Variants in RB1 observed in about 807,000 individuals in gnomAD.
The protein encoded by RB1 is RB transcriptional corepressor 1.
A neutral mutation model predicts 135.4 loss-of-function variants in RB1; 18 were observed. The observed-to-expected ratio is 0.13, with a 90% CI of 0.09 to 0.20. The LOEUF (loss-of-function observed/expected upper bound fraction) is 0.20, where lower values mean the gene tolerates loss of function less well. Among genes scored for constraint, RB1 ranks in the 10% least tolerant of loss-of-function variants. The pLI is 1.00. For synonymous variants in RB1, 365 were observed against 373.2 expected, an observed-to-expected ratio of 0.98 and a Z score of 0.25; for missense variants, 868 against 1,110.0, an observed-to-expected ratio of 0.78 and a Z score of 3.10.
intron 2 of RB1, chr13:48,318,460 C>G: frequency 7.3e-7 from 1 of 1,378,566 alleles, no homozygotes; most frequent in Non-Finnish European, 1.0e-6. Flanking sequence ...CTCTCCTTCT[C>G]GTCCAGGTGC....
chr13:48,314,210 T>A (rs770249800), intron 2 of RB1, among the ~76,000 whole-genome samples: 3 of 152,214 alleles, frequency 2.0e-5, no homozygotes, highest in Non-Finnish European at 2.9e-5. Flanking sequence ...ATTTTTAGGA[T>A]CAATTTGTCA....
intron 6 of RB1, among the ~76,000 whole-genome samples, chr13:48,353,624 G>A (rs1024573183): frequency 6.6e-6 from 1 of 151,930 alleles, no homozygotes; most frequent in African/African-American, 2.4e-5. Context: ...ACCAAAACCA[G>A]ATAAAGACCC....
At chr13:48,420,634 A>C (rs987288994) in intron 17 of RB1, among the ~76,000 whole-genome samples, 1 of 152,182 alleles carries the variant, frequency 6.6e-6, no homozygotes, top group African/African-American at 2.4e-5. Context: ...CTATTTAGAA[A>C]ACCCCATTAT....
chr13:48,317,925 T>G, intron 2 of RB1: 1 of 420,176 alleles, frequency 2.4e-6, no homozygotes, highest in Non-Finnish European at 4.5e-6. Context: ...CCTGAACTTC[T>G]GAACTGCTCA....
intron 2 of RB1, among the ~76,000 whole-genome samples, chr13:48,321,053 C>T (rs1245493351): frequency 6.6e-6 from 1 of 152,082 alleles, no homozygotes; most frequent in Admixed American, 6.5e-5. Context: ...AAGGATAAGG[C>T]CTTTATCACT....
At chr13:48,451,738 ATTT>A (rs59115458) in intron 17 of RB1, among the ~76,000 whole-genome samples, 21 of 140,128 alleles carry the variant, frequency 1.5e-4, no homozygotes, top group South Asian at 4.5e-4. Flanking sequence ...TGATCCTGGG[ATTT>A]TTTTTTTTTT....
chr13:48,448,144 G>A (rs1271328567), intron 17 of RB1, among the ~76,000 whole-genome samples: 1 of 152,120 alleles, frequency 6.6e-6, no homozygotes, highest in African/African-American at 2.4e-5. Flanking sequence ...CCATGGCTAG[G>A]AAGTATAAAA....
intron 2 of RB1, among the ~76,000 whole-genome samples, chr13:48,322,023 T>C (rs994045966): frequency 6.6e-6 from 1 of 152,258 alleles, no homozygotes; most frequent in Non-Finnish European, 1.5e-5. Flanking sequence ...CTCTTTTCTC[T>C]GTTGATTATT....
chr13:48,370,866 G>A (rs539424209), intron 11 of RB1, among the ~76,000 whole-genome samples: 112 of 152,264 alleles, frequency 7.4e-4, no homozygotes, highest in Non-Finnish European at 1.5e-3. Context: ...ACTCTGCCTC[G>A]GGCTTTCTAG....
chr13:48,459,891 T>C lies in RB1; in HGVS notation c.2106+58T>C, dbSNP rs1949386757. 5 of 431,466 alleles carry C rather than the reference T, an allele frequency of 1.2e-5. 1 individual carries two copies. Among genetic ancestry groups the C allele is most frequent in the South Asian group, 9.4e-5 (4 of 42,414 alleles). 26.7% of individuals were successfully genotyped at this position (431,466 alleles called of 1,614,324 possible). ...CCCTACTTACTTGTTAACTGATTCT[T>C]TCTTTCTTTCTTTCTTTCTTTCTTT... is the stretch of plus-strand genomic sequence containing the variant. On this transcript the variant is annotated intron_variant, in intron 20 of 26. Transcript: ENST00000267163.
intron 17 of RB1, chr13:48,444,537 A>G (rs1216816780): frequency 6.6e-6 from 1 of 152,504 alleles, no homozygotes; most frequent in Non-Finnish European, 1.5e-5. Context: ...GAAAAAATCA[A>G]AGGAAACACA....
intron 17 of RB1, among the ~76,000 whole-genome samples, chr13:48,397,801 G>A (rs1043959970): frequency 6.6e-6 from 1 of 152,008 alleles, no homozygotes; most frequent in Non-Finnish European, 1.5e-5. Context: ...AGCTTTTTTG[G>A]TATTCTTTTG....
chr13:48,324,300 CA>C (rs1378283362), intron 2 of RB1, among the ~76,000 whole-genome samples: 1 of 152,044 alleles, frequency 6.6e-6, no homozygotes, highest in Non-Finnish European at 1.5e-5. Context: ...TTCCATAGAA[CA>C]CTAGATCTTG....
chr13:48,362,375 A>G (rs1952651689), intron 7 of RB1, among the ~76,000 whole-genome samples: 1 of 151,952 alleles, frequency 6.6e-6, no homozygotes, highest in Non-Finnish European at 1.5e-5. Context: ...TATATTTTAT[A>G]CCTATCTTTT....
chr13:48,473,246 AGG>A, intron 23 of RB1, 112 bp from the exon 24 acceptor site: 1 of 806,452 alleles, frequency 1.2e-6, no homozygotes, highest in Middle Eastern at 3.7e-4. Context: ...TCTAGGGTAG[AGG>A]TAACCTTTAA....
At chr13:48,343,336 C>T (rs574422758) in intron 3 of RB1, among the ~76,000 whole-genome samples, 1 of 152,150 alleles carries the variant, frequency 6.6e-6, no homozygotes, top group South Asian at 2.1e-4. Flanking sequence ...AAAAATGCAA[C>T]AGTATGTATT....
intron 17 of RB1, among the ~76,000 whole-genome samples, chr13:48,449,311 A>G (rs1372496448): frequency 1.3e-5 from 2 of 152,188 alleles, no homozygotes; most frequent in Non-Finnish European, 2.9e-5. Context: ...TTCATTGTAT[A>G]GTTATTTGGT....
intron 17 of RB1, among the ~76,000 whole-genome samples, chr13:48,428,824 G>A (rs572604209): frequency 6.6e-6 from 1 of 152,150 alleles, no homozygotes. Context: ...TAGAACAAGG[G>A]TTTTCTGTGA....
chr13:48,453,219 A>C, intron 18 of RB1, 108 bp downstream of exon 18: 1 of 1,137,682 alleles, frequency 8.8e-7, no homozygotes, highest in East Asian at 2.4e-5. Flanking sequence ...ATTTTGAATA[A>C]GAATAGTTTC....
Sources: allele counts gnomAD v4.1 joint callset (sites outside exome capture counted in the v4.1 genomes callset), GRCh38; gene constraint gnomAD v4.1.1; transcripts MANE v1.5; gene names NCBI Gene and HGNC (gene_info 2026-07-23, HGNC 2026-07-21).